AK5: variants seen among roughly 807,000 people sequenced by gnomAD.
AK5 encodes adenylate kinase 5, also known as adenylate kinase isoenzyme 5.
Under a neutral mutation model 69.5 loss-of-function variants are expected in AK5, and 27 were observed. The observed-to-expected ratio is 0.39, with a 90% confidence interval of 0.29 to 0.54. The LOEUF (loss-of-function observed/expected upper bound fraction) is 0.54, where lower values mean the gene tolerates loss of function less well. Ranked by LOEUF, AK5 falls within the 20% of genes least tolerant of loss-of-function variation. AK5 has a pLI of 0.71. For missense variants in AK5, 531 were observed against 700.4 expected (o/e 0.76, Z 2.73); for synonymous variants, 260 against 244.4 (o/e 1.06, Z -0.60).
intron 5 of AK5, among the ~76,000 whole-genome samples, chr1:77,323,744 GTC>G (rs1253715606): frequency 6.6e-6 from 1 of 152,020 alleles, no homozygotes; most frequent in Non-Finnish European, 1.5e-5. Context: ...TCATTCTTTA[GTC>G]AGTGTGTGTT....
At chr1:77,369,104 TA>T (rs1034892298) in intron 6 of AK5, among the ~76,000 whole-genome samples, 1 of 152,140 alleles carries the variant, frequency 6.6e-6, no homozygotes, top group African/African-American at 2.4e-5. Context: ...TATTTGTCAG[TA>T]AAAAATAAAA....
intron 6 of AK5, among the ~76,000 whole-genome samples, chr1:77,405,917 G>A (rs1557566503): frequency 6.7e-6 from 1 of 150,366 alleles, no homozygotes; most frequent in Admixed American, 6.7e-5. Context: ...TCCACTTCAC[G>A]CTTAATGCCC....
intron 8 of AK5, among the ~76,000 whole-genome samples, chr1:77,465,992 C>G (rs536075266): frequency 6.6e-6 from 1 of 152,240 alleles, no homozygotes; most frequent in East Asian, 1.9e-4. Flanking sequence ...AAGCACAAAA[C>G]TGATCATGCC....
chr1:77,552,324 T>A (rs2100398656), intron 13 of AK5, among the ~76,000 whole-genome samples: 1 of 152,356 alleles, frequency 6.6e-6, no homozygotes, highest in East Asian at 1.9e-4. Flanking sequence ...TGCAAAATTC[T>A]GTTGCCGTAG....
chr1:77,353,614 A>G (rs957962735), intron 6 of AK5, among the ~76,000 whole-genome samples: 5 of 152,130 alleles, frequency 3.3e-5, no homozygotes, highest in African/African-American at 1.2e-4. Flanking sequence ...CTCTTGCCTT[A>G]CCCACTCTGC....
chr1:77,393,260 G>C (rs1349071408), intron 6 of AK5, among the ~76,000 whole-genome samples: 1 of 152,046 alleles, frequency 6.6e-6, no homozygotes, highest in Non-Finnish European at 1.5e-5. Flanking sequence ...TAGTTGTCAG[G>C]GCATAATTTT....
At chr1:77,310,122 G>A (rs1213487739) in intron 5 of AK5, among the ~76,000 whole-genome samples, 1 of 152,100 alleles carries the variant, frequency 6.6e-6, no homozygotes, top group South Asian at 2.1e-4. Flanking sequence ...GTGTGAGGTA[G>A]CAATATAACT....
chr1:77,305,106 C>T (rs1659564828), intron 5 of AK5, among the ~76,000 whole-genome samples: 1 of 152,162 alleles, frequency 6.6e-6, no homozygotes, highest in Admixed American at 6.5e-5. Flanking sequence ...AACACTTTTT[C>T]ACATGCCCGT....
At chr1:77,355,339 C>T (rs989786528) in intron 6 of AK5, among the ~76,000 whole-genome samples, 1 of 152,180 alleles carries the variant, frequency 6.6e-6, no homozygotes, top group Non-Finnish European at 1.5e-5. Flanking sequence ...TTTCTAAAAT[C>T]CCATGGATAG....
chr1:77,308,517 A>G (rs1659771217), intron 5 of AK5, among the ~76,000 whole-genome samples: 1 of 151,208 alleles, frequency 6.6e-6, no homozygotes, highest in Non-Finnish European at 1.5e-5. Flanking sequence ...AGGAATCAAG[A>G]TGGGCAAGCA....
chr1:77,418,717 A>G (rs887182326), intron 8 of AK5, among the ~76,000 whole-genome samples: 1 of 152,224 alleles, frequency 6.6e-6, no homozygotes, highest in African/African-American at 2.4e-5. Flanking sequence ...AGCCAAGTGA[A>G]CATGTTCTTG....
At chr1:77,365,647 A>G (rs1646937306) in intron 6 of AK5, among the ~76,000 whole-genome samples, 1 of 152,192 alleles carries the variant, frequency 6.6e-6, no homozygotes, top group African/African-American at 2.4e-5. Context: ...TGCAGTCCAC[A>G]ATAGGGTTCA....
chr1:77,516,738 G>C (rs779725031), intron 10 of AK5, among the ~76,000 whole-genome samples: 1 of 151,710 alleles, frequency 6.6e-6, no homozygotes, highest in African/African-American at 2.4e-5. Flanking sequence ...TCCAAGAATT[G>C]TGTTAGTTGG....
intron 5 of AK5, among the ~76,000 whole-genome samples, chr1:77,311,358 A>G (rs980518499): frequency 6.6e-6 from 1 of 152,162 alleles, no homozygotes; most frequent in South Asian, 2.1e-4. Flanking sequence ...TCAGCTCCTC[A>G]TATAAATCAA....
intron 6 of AK5, among the ~76,000 whole-genome samples, chr1:77,368,819 G>A (rs994710024): frequency 6.6e-6 from 1 of 151,988 alleles, no homozygotes; most frequent in Non-Finnish European, 1.5e-5. Context: ...TTCAGATTAG[G>A]GATGTTCAAC....
At chr1:77,384,056 T>A (rs1306108070) in intron 6 of AK5, among the ~76,000 whole-genome samples, 2 of 152,032 alleles carry the variant, frequency 1.3e-5, no homozygotes, top group African/African-American at 2.4e-5. Flanking sequence ...TTCACATTTT[T>A]AAAAAAAGCC....
intron 8 of AK5, among the ~76,000 whole-genome samples, chr1:77,434,848 T>C (rs1163557501): frequency 1.3e-5 from 2 of 152,200 alleles, no homozygotes; most frequent in Non-Finnish European, 2.9e-5. Context: ...TCCAGTGGTA[T>C]GAGTTTACAT....
chr1:77,368,164 C>T (rs1449621661), intron 6 of AK5, among the ~76,000 whole-genome samples: 22 of 124,412 alleles, frequency 1.8e-4, no homozygotes, highest in Admixed American at 1.1e-3. Context: ...CATTGTAGCC[C>T]GGTGACAACC....
At chr1:77,546,188 T>C (rs1287421677) in intron 13 of AK5, among the ~76,000 whole-genome samples, 1 of 152,192 alleles carries the variant, frequency 6.6e-6, no homozygotes, top group Non-Finnish European at 1.5e-5. Context: ...TTGACTCATC[T>C]GTACACACTC....
Sources: allele counts gnomAD v4.1 joint callset (sites outside exome capture counted in the v4.1 genomes callset), GRCh38; gene constraint gnomAD v4.1.1; transcripts MANE v1.5; gene names NCBI Gene and HGNC (gene_info 2026-07-23, HGNC 2026-07-21).